The following FHIT variants were observed in gnomAD, a reference collection of about 807,000 sequenced individuals.
FHIT encodes the protein bis(5'-adenosyl)-triphosphatase.
A neutral mutation model predicts 17.9 loss-of-function variants in FHIT; 19 were observed. That is an observed-to-expected ratio of 1.06 (90% CI 0.74 to 1.56). The LOEUF is 1.56. FHIT is among the 40% of genes most tolerant of loss of function. The pLI is 0.00. For missense variants in FHIT, 248 were observed against 189.2 expected (o/e 1.31, Z -1.82); for synonymous variants, 81 against 69.7 (o/e 1.16, Z -0.81).
chr3:60,428,826 A>T (rs1219221168), intron 5 of FHIT, among the ~76,000 whole-genome samples: 2 of 152,104 alleles, frequency 1.3e-5, no homozygotes, highest in Non-Finnish European at 2.9e-5. Flanking sequence ...CTTACGGGAG[A>T]GAGGCAGATA....
At chr3:60,727,972 C>T (rs1397932063) in intron 4 of FHIT, among the ~76,000 whole-genome samples, 1 of 152,200 alleles carries the variant, frequency 6.6e-6, no homozygotes, top group Non-Finnish European at 1.5e-5. Context: ...CCACCGCACT[C>T]CAGCCTGGGC....
chr3:60,879,690 T>G (rs1704863981), intron 3 of FHIT, among the ~76,000 whole-genome samples: 1 of 151,924 alleles, frequency 6.6e-6, no homozygotes, highest in African/African-American at 2.4e-5. Flanking sequence ...GAATTTATTA[T>G]ATAAATTAGA....
intron 5 of FHIT, among the ~76,000 whole-genome samples, chr3:60,449,886 C>T (rs958614794): frequency 1.3e-5 from 2 of 151,122 alleles, no homozygotes; most frequent in African/African-American, 4.9e-5. Flanking sequence ...GCCTGTAGTC[C>T]CAGCTACTCA....
intron 4 of FHIT, among the ~76,000 whole-genome samples, chr3:60,579,366 A>C (rs1040502197): frequency 1.3e-5 from 2 of 152,180 alleles, no homozygotes; most frequent in African/African-American, 2.4e-5. Flanking sequence ...TACAGTAAAA[A>C]TATATTATAA....
At chr3:60,425,423 A>G (rs1324364837) in intron 5 of FHIT, among the ~76,000 whole-genome samples, 5 of 152,184 alleles carry the variant, frequency 3.3e-5, no homozygotes, top group Non-Finnish European at 4.4e-5. Context: ...CTGGGCCTCC[A>G]TCATTCAAAT....
intron 8 of FHIT, among the ~76,000 whole-genome samples, chr3:59,914,076 A>G (rs985083833): frequency 4.6e-5 from 7 of 152,250 alleles, no homozygotes. Context: ...AGTGTTTGGT[A>G]GCAACACCAA....
chr3:59,788,559 T>C (rs945411377), intron 8 of FHIT, among the ~76,000 whole-genome samples: 2 of 152,176 alleles, frequency 1.3e-5, no homozygotes, highest in Non-Finnish European at 1.5e-5. Flanking sequence ...AAAGGCAGGC[T>C]ACGATCCTCA....
At chr3:60,688,019 T>C (rs1196229235) in intron 4 of FHIT, among the ~76,000 whole-genome samples, 1 of 152,158 alleles carries the variant, frequency 6.6e-6, no homozygotes, top group Non-Finnish European at 1.5e-5. Context: ...CATTCTATTG[T>C]TCTTTCTTTT....
At chr3:59,758,973 C>T (rs966714657) in intron 8 of FHIT, among the ~76,000 whole-genome samples, 1 of 151,960 alleles carries the variant, frequency 6.6e-6, no homozygotes, top group African/African-American at 2.4e-5. Context: ...AAAATAATTT[C>T]ATGTTATAAG....
chr3:60,839,085 G>C (rs1319095157), intron 3 of FHIT, among the ~76,000 whole-genome samples: 1 of 151,980 alleles, frequency 6.6e-6, no homozygotes, highest in South Asian at 2.1e-4. Context: ...GACAGCTAAG[G>C]GAAGGATGCT....
At position 60,165,048 on chromosome 3, in the gene FHIT, A is replaced by G. The variant is rs182974797; in HGVS notation, c.104-150896T>C. On this transcript the variant is annotated intron_variant, in intron 5 of 9. Coordinates refer to ENST00000492590, the MANE Select transcript of FHIT (RefSeq NM_002012.4). ...AGTTTAGATCACAGATCCGAAACCC[A>G]GACATTTTCACAAGCCAGGCAAATA... is the stretch of plus-strand genomic sequence containing the variant. Among the ~76,000 whole-genome samples the G allele has an allele frequency of 3.0e-3, 451 of 152,318 alleles. 4 individuals carry two copies. Among genetic ancestry groups the G allele is most frequent in the African/African-American group, 0.01 (432 of 41,582 alleles).
At chr3:60,633,631 G>C (rs533839926) in intron 4 of FHIT, among the ~76,000 whole-genome samples, 50 of 152,310 alleles carry the variant, frequency 3.3e-4, no homozygotes, top group Non-Finnish European at 5.6e-4. Flanking sequence ...CGCGATGACT[G>C]TGTCTGTCAT....
intron 4 of FHIT, among the ~76,000 whole-genome samples, chr3:60,688,716 G>A (rs1331469202): frequency 2.0e-5 from 3 of 152,136 alleles, no homozygotes; most frequent in African/African-American, 7.2e-5. Flanking sequence ...ACAGGTGTAA[G>A]CCCCTGTGTC....
intron 5 of FHIT, among the ~76,000 whole-genome samples, chr3:60,225,837 C>G (rs1704172431): frequency 6.6e-6 from 1 of 152,142 alleles, no homozygotes; most frequent in Non-Finnish European, 1.5e-5. Context: ...ATACAGCATT[C>G]TCTCTCCACT....
chr3:59,760,267 T>C (rs1351857817), intron 8 of FHIT, among the ~76,000 whole-genome samples: 2 of 152,206 alleles, frequency 1.3e-5, no homozygotes, highest in African/African-American at 4.8e-5. Flanking sequence ...TTTAAGAATT[T>C]GTAACCCCCA....
chr3:61,224,592 T>C (rs1185857312), intron 1 of FHIT, among the ~76,000 whole-genome samples: 1 of 152,128 alleles, frequency 6.6e-6, no homozygotes, highest in Non-Finnish European at 1.5e-5. Flanking sequence ...TTATTTTTAA[T>C]AGAGACGGGG....
intron 8 of FHIT, among the ~76,000 whole-genome samples, chr3:59,765,655 A>G (rs888953204): frequency 6.6e-6 from 1 of 152,206 alleles, no homozygotes; most frequent in African/African-American, 2.4e-5. Flanking sequence ...GAGAAGATAT[A>G]CTGGAATAAC....
At chr3:60,053,319 T>C (rs954664041) in intron 5 of FHIT, among the ~76,000 whole-genome samples, 6 of 150,774 alleles carry the variant, frequency 4.0e-5, no homozygotes, top group Admixed American at 2.7e-4. Flanking sequence ...TTCTAAACTG[T>C]TGCCCTCACC....
intron 7 of FHIT, among the ~76,000 whole-genome samples, chr3:59,964,999 C>G (rs1188636308): frequency 1.3e-5 from 2 of 151,990 alleles, no homozygotes; most frequent in Non-Finnish European, 2.9e-5. Flanking sequence ...AAGTCTTATT[C>G]AAGGGAAAAT....
Sources: allele counts gnomAD v4.1 joint callset (sites outside exome capture counted in the v4.1 genomes callset), GRCh38; gene constraint gnomAD v4.1.1; transcripts MANE v1.5; gene names NCBI Gene and HGNC (gene_info 2026-07-23, HGNC 2026-07-21).